The following PCDHGB7 variants were observed in gnomAD, a reference collection of about 807,000 sequenced individuals.
The protein encoded by PCDHGB7 is protocadherin gamma subfamily B, 7, also known as protocadherin gamma-B7.
A neutral mutation model predicts 61.4 loss-of-function variants in PCDHGB7; 37 were observed. That is an observed-to-expected ratio of 0.60 (90% confidence interval 0.46 to 0.79). The LOEUF is 0.79. Among genes scored for constraint, PCDHGB7 ranks in the 30% least tolerant of loss-of-function variants. The pLI, the probability that PCDHGB7 is intolerant of heterozygous loss-of-function variation, is 0.00. For missense variants in PCDHGB7, 1,166 were observed against 1,202.5 expected (o/e 0.97, Z 0.45); for synonymous variants, 464 against 503.5 (o/e 0.92, Z 1.05).
At chr5:141,456,341 C>G (rs950158154) in intron 1 of PCDHGB7, among the ~76,000 whole-genome samples, 4 of 152,034 alleles carry the variant, frequency 2.6e-5, no homozygotes, top group Admixed American at 1.3e-4. Context: ...TAAGGGTCCT[C>G]GGAAGAATGG....
rs2099883798 is a variant in PCDHGB7, at chr5:141,511,451, AT to A, written c.*281del. On this transcript the variant is annotated 3_prime_UTR_variant, in exon 4 of 4. Transcript: ENST00000398594. ...GGGGTTACTGTAGACACCAAGAACC[AT>A]TTGCCACACCCCGTTTAGTTACAGC... The A allele has an allele frequency of 3.3e-6, 2 of 606,372 alleles. No individual in the cohort carries two copies. Among genetic ancestry groups the A allele is most frequent in the African/African-American group, 1.9e-5 (1 of 53,734 alleles). 37.6% of individuals were successfully genotyped at this position (606,372 alleles called of 1,614,324 possible).
chr5:141,476,382 A>G lies in PCDHGB7; in HGVS notation c.2416-18425A>G, dbSNP rs777831089. ...CGGGAGACCGGAGAGATGTTTGTGA[A>G]CGACCGTCTGGATCGAGAGGAGCTG... On this transcript the variant is annotated intron_variant, in intron 1 of 3. Transcript: ENST00000398594. This position sits in a 1 kb window ranked among gnomAD's most constrained non-coding sequence, Gnocchi z 7.6. 3.7e-6 allele frequency: 6 copies of G among 1,613,866 alleles called. No individual in the cohort carries two copies. The East Asian group carries it at 1.3e-4, about 36-fold the overall frequency.
In PCDHGB7 at chr5:141,512,243, C is replaced by T. The variant is rs1205585993; in HGVS notation, c.*1070C>T. ...AGGTCCCCTTGAGAGGTCAGAGGGG[C>T]CTCTGTGGGTGCTGGGTACTCCAGA... On this transcript the variant is annotated 3_prime_UTR_variant, in exon 4 of 4. Transcript: ENST00000398594. 2 of 152,728 alleles carry T rather than the reference C, an allele frequency of 1.3e-5. No homozygotes were observed. The highest frequency in any genetic ancestry group is 1.5e-5 in the Non-Finnish European group (1 of 68,138). 9.5% of individuals were successfully genotyped at this position (152,728 alleles called of 1,614,324 possible).
In PCDHGB7 at chr5:141,487,439, T is replaced by C. The variant is rs201458212; in HGVS notation, c.2416-7368T>C. 1 of 1,613,926 alleles carries C rather than the reference T, an allele frequency of 6.2e-7. No individual in the cohort carries two copies. Among genetic ancestry groups the C allele is most frequent in the South Asian group, 1.1e-5 (1 of 91,066 alleles). ...TGGGATCCTCCGAATCCAGCTAGGG[T>C]CAGATGACCCTATCAAGTTTGTTGA... is the stretch of plus-strand genomic sequence containing the variant. On this transcript the variant is annotated intron_variant, in intron 1 of 3. Transcript: ENST00000398594. This position sits in a 1 kb window ranked among gnomAD's most constrained non-coding sequence, Gnocchi z 5.0.
At position 141,476,359 on chromosome 5, in the gene PCDHGB7, G is replaced by A; in HGVS notation, c.2416-18448G>A. On this transcript the variant is annotated intron_variant, in intron 1 of 3. Coordinates refer to ENST00000398594, the MANE Select transcript of PCDHGB7 (RefSeq NM_018927.4). This position sits in a 1 kb window ranked among gnomAD's most constrained non-coding sequence, Gnocchi z 7.6. ...GCCGAAGATTCTTTGAGGTGAACCG[G>A]GAGACCGGAGAGATGTTTGTGAACG... The A allele has an allele frequency of 6.2e-7, 1 of 1,614,170 alleles. No individual in the cohort carries two copies. The highest frequency in any genetic ancestry group is 8.5e-7 in the Non-Finnish European group (1 of 1,180,020).
At position 141,512,967 on chromosome 5, in the gene PCDHGB7, T is replaced by C. The variant is rs2099884538; in HGVS notation, c.*1794T>C. ...CGACAAAAAAATAATAAAACGTTTC[T>C]TCTGAAAAGCTGAACGTTTCTGTAT... On this transcript the variant is annotated 3_prime_UTR_variant, in exon 4 of 4. Transcript: ENST00000398594. The C allele has an allele frequency of 6.6e-6, 1 of 152,260 alleles. No individual in the cohort carries two copies. Among genetic ancestry groups the C allele is most frequent in the South Asian group, 2.1e-4 (1 of 4,832 alleles). The allele number at this position is 152,260 out of a possible 1,614,324, so 9.4% of individuals were successfully genotyped here.
chr5:141,482,562 C>A (rs1030078543), intron 1 of PCDHGB7, among the ~76,000 whole-genome samples: 68 of 142,616 alleles, frequency 4.8e-4, no homozygotes, highest in African/African-American at 1.8e-3. Flanking sequence ...TAATGGAGAT[C>A]TGCATAGCAT....
intron 1 of PCDHGB7, chr5:141,426,610 C>G (rs1376781969): frequency 2.6e-6 from 1 of 382,832 alleles, no homozygotes; most frequent in Non-Finnish European, 5.3e-6. Context: ...GAGATTGTAG[C>G]AGAGAATCCT....
Position 141,487,082 on chromosome 5 carries a change from G to A in PCDHGB7, c.2416-7725G>A, listed in dbSNP as rs2099639361. On this transcript the variant is annotated intron_variant, in intron 1 of 3. Transcript: ENST00000398594. The surrounding 1 kb of genome is among the most constrained non-coding windows in gnomAD (Gnocchi z 5.0). Reference sequence around the variant, plus strand: ...GCGGACGGCTGTTCCTATCCCAGCTGACCTCCCACCACAGAAGCTGGTCAT... The same window carrying A: ...GCGGACGGCTGTTCCTATCCCAGCTAACCTCCCACCACAGAAGCTGGTCAT... The A allele has an allele frequency of 8.1e-6, 13 of 1,614,056 alleles. No individual in the cohort carries two copies. The highest frequency in any genetic ancestry group is 1.1e-5 in the Non-Finnish European group (13 of 1,179,938).
intron 1 of PCDHGB7, chr5:141,478,730 G>A: frequency 6.5e-7 from 1 of 1,538,906 alleles, no homozygotes; most frequent in South Asian, 1.2e-5. Flanking sequence ...GCCAGAGTGT[G>A]GTTTGTGGTC....
intron 1 of PCDHGB7, chr5:141,423,526 A>G (rs1229909527): frequency 6.2e-7 from 1 of 1,613,690 alleles, no homozygotes; most frequent in Non-Finnish European, 8.5e-7. Flanking sequence ...CTCGCAGAAG[A>G]GTCACCTGAT....
At chr5:141,440,030 G>A (rs780807702) in intron 1 of PCDHGB7, 2 of 153,028 alleles carry the variant, frequency 1.3e-5, no homozygotes, top group African/African-American at 2.4e-5. Context: ...ACTCAGTGTC[G>A]AGGACATGCC....
intron 1 of PCDHGB7, among the ~76,000 whole-genome samples, chr5:141,451,364 C>T (rs970149151): frequency 3.9e-5 from 6 of 152,078 alleles, no homozygotes; most frequent in Middle Eastern, 3.2e-3. Context: ...AGGATGGATC[C>T]GCTTCTAATC....
At chr5:141,466,054 G>A (rs2099115921) in intron 1 of PCDHGB7, among the ~76,000 whole-genome samples, 1 of 152,080 alleles carries the variant, frequency 6.6e-6, no homozygotes, top group Non-Finnish European at 1.5e-5. Context: ...CCCAGGAGAC[G>A]GAGCTTGCAG....
Position 141,491,162 on chromosome 5 carries a change from C to T in PCDHGB7, c.2416-3645C>T. 6.2e-7 allele frequency: 1 copy of T among 1,614,112 alleles called. No homozygotes were observed. Among genetic ancestry groups the T allele is most frequent in the Non-Finnish European group, 8.5e-7 (1 of 1,179,952 alleles). On this transcript the variant is annotated intron_variant, in intron 1 of 3. Coordinates refer to ENST00000398594, the MANE Select transcript of PCDHGB7 (RefSeq NM_018927.4). This position sits in a 1 kb window ranked among gnomAD's most constrained non-coding sequence, Gnocchi z 6.9. ...GCCTTACTGGAGGATGACTCTGACA[C>T]CCAGCAGGTGGTGGTCCTGGTGAGG...
intron 1 of PCDHGB7, among the ~76,000 whole-genome samples, chr5:141,459,307 A>G (rs1175102009): frequency 6.6e-6 from 1 of 152,198 alleles, no homozygotes; most frequent in Non-Finnish European, 1.5e-5. Context: ...AACATATACT[A>G]TTTTGTATCC....
intron 1 of PCDHGB7, chr5:141,423,962 C>A: frequency 1.7e-6 from 2 of 1,168,402 alleles, no homozygotes; most frequent in South Asian, 4.2e-5. Context: ...TATTATTTTT[C>A]TATTATCAGT....
chr5:141,454,898 C>T (rs1426884791), intron 1 of PCDHGB7, among the ~76,000 whole-genome samples: 1 of 147,834 alleles, frequency 6.8e-6, no homozygotes, highest in Non-Finnish European at 1.5e-5. Flanking sequence ...AGCACCGCCT[C>T]CCGGGTTCAC....
chr5:141,500,350 A>G (rs2099799466), intron 2 of PCDHGB7, among the ~76,000 whole-genome samples: 1 of 151,976 alleles, frequency 6.6e-6, no homozygotes, highest in African/African-American at 2.4e-5. Flanking sequence ...CTGGGACTAC[A>G]GGCGCCCACT....
Sources: allele counts gnomAD v4.1 joint callset (sites outside exome capture counted in the v4.1 genomes callset), GRCh38; gene constraint gnomAD v4.1.1; non-coding constraint Gnocchi (gnomAD v3.1); transcripts MANE v1.5; gene names NCBI Gene and HGNC (gene_info 2026-07-23, HGNC 2026-07-21).